Variants in COL2A1 observed in about 807,000 individuals in gnomAD.
COL2A1 encodes the protein collagen type II alpha 1 chain, also known as collagen alpha-1(II) chain.
COL2A1 carries 28 observed loss-of-function variants against 204.5 expected under a neutral mutation model. The ratio of observed to expected loss-of-function variants is 0.14; its 90% CI spans 0.10 to 0.19. The LOEUF is 0.19. Ranked by LOEUF, COL2A1 falls within the 10% of genes least tolerant of loss-of-function variation. The pLI is 1.00. For missense variants in COL2A1, 1,388 were observed against 2,027.5 expected, an observed-to-expected ratio of 0.68 and a Z score of 6.06; for synonymous variants, 708 against 718.7, an observed-to-expected ratio of 0.99 and a Z score of 0.24.
At chr12:47,997,986 C>A in intron 5 of COL2A1, 46 bp downstream of exon 5, 1 of 1,614,118 alleles carries the variant, frequency 6.2e-7, no homozygotes, top group Non-Finnish European at 8.5e-7. Context: ...CAGTAACTTG[C>A]GCGCAGCGAG....
In COL2A1 at chr12:47,976,305, C is replaced by T. The variant is rs759225305; in HGVS notation, c.3489+209G>A. ...TGTAAAATGCTGTTCTGTCTGACAG[C>T]GAGAGGCTGATTCATGTTTGTCTTA... On this transcript the variant is annotated intron_variant, in intron 49 of 53. Coordinates refer to ENST00000380518, the MANE Select transcript of COL2A1 (RefSeq NM_001844.5). The surrounding 1 kb of genome is among the most constrained non-coding windows in gnomAD (Gnocchi z 4.3). Among the ~76,000 whole-genome samples the T allele has an allele frequency of 1.1e-4, 16 of 151,448 alleles. No individual in the cohort carries two copies. The highest frequency in any genetic ancestry group is 1.8e-4 in the Non-Finnish European group (12 of 68,036).
chr12:47,973,108 T>C lies in COL2A1; in HGVS notation c.*299A>G. ...TGAAGGGAGGTCTTCTGGCCTGGGC[T>C]GGGGGCAGTCACTCAGGGGGCATTT... On this transcript the variant is annotated 3_prime_UTR_variant, in exon 54 of 54. Coordinates refer to ENST00000380518, the MANE Select transcript of COL2A1 (RefSeq NM_001844.5). 1.6e-6 allele frequency: 1 copy of C among 606,664 alleles called. No individual in the cohort carries two copies. The highest frequency in any genetic ancestry group is 2.7e-5 in the East Asian group (1 of 36,540). 37.6% of individuals were successfully genotyped at this position (606,664 alleles called of 1,614,324 possible). A position where few individuals can be genotyped will look rare whatever the true frequency, so the allele number is the denominator to read the frequency against.
chr12:48,002,886 C>G (rs973995809), intron 1 of COL2A1: 2 of 152,296 alleles, frequency 1.3e-5, no homozygotes, highest in African/African-American at 2.4e-5. Context: ...AGCCCTGCCC[C>G]CGCTGCGCTA....
At position 47,993,627 on chromosome 12, in the gene COL2A1, G is replaced by C. The variant is rs940572445; in HGVS notation, c.925-125C>G. On this transcript the variant is annotated intron_variant, in intron 14 of 53. Transcript: ENST00000380518. The stretch of plus-strand genomic sequence containing the variant: ...ACTGACACAAACTTCAGTCCTGTGA[G>C]GGACAATGCCCTGAGCTCTCCAGGC... 4 of 1,096,180 alleles carry C rather than the reference G, an allele frequency of 3.6e-6. No homozygotes were observed. In the African/African-American group the frequency reaches 6.2e-5, roughly 17 times the overall value. 67.9% of individuals were successfully genotyped at this position (1,096,180 alleles called of 1,614,324 possible).
At chr12:48,003,342 C>A (rs184166393) in intron 1 of COL2A1, among the ~76,000 whole-genome samples, 1 of 152,112 alleles carries the variant, frequency 6.6e-6, no homozygotes, top group Non-Finnish European at 1.5e-5. Context: ...CACACACACA[C>A]ACCACGCAGC....
At chr12:47,974,366 G>T in intron 52 of COL2A1, 35 bp from the exon 53 acceptor site, 1 of 1,611,622 alleles carries the variant, frequency 6.2e-7, no homozygotes, top group Non-Finnish European at 8.5e-7. Context: ...TGAGGCCTGG[G>T]AGCTGGCATT....
Position 47,976,648 on chromosome 12 carries a change from A to G in COL2A1, c.3436-81T>C, listed in dbSNP as rs1938723003. The stretch of plus-strand genomic sequence containing the variant: ...TTCTGGGAGCTGGGGGAACAGCTTT[A>G]TGTCCCAGCCCCATTCCCTTTCCAC... On this transcript the variant is annotated intron_variant, in intron 48 of 53. Transcript: ENST00000380518. This position sits in a 1 kb window ranked among gnomAD's most constrained non-coding sequence, Gnocchi z 4.3. 4 of 1,479,842 alleles carry G rather than the reference A, an allele frequency of 2.7e-6. No individual in the cohort carries two copies. The highest frequency in any genetic ancestry group is 3.8e-6 in the Non-Finnish European group (4 of 1,062,064). 91.7% of individuals were successfully genotyped at this position (1,479,842 alleles called of 1,614,324 possible).
chr12:47,977,243 AGACTGCGGAAACCCAGG>A (rs1938764055), intron 46 of COL2A1, 60 bp downstream of exon 46: 1 of 1,582,802 alleles, frequency 6.3e-7, no homozygotes. Flanking sequence ...CTTAGTCCAG[AGACTGCGGAAACCCAGG>A]GACTGCCTCA....
chr12:47,989,188 C>T lies in COL2A1; in HGVS notation c.1122+40G>A, dbSNP rs768607883. 22 of 1,565,896 alleles carry T rather than the reference C, an allele frequency of 1.4e-5. 1 individual carries two copies. The highest frequency in any genetic ancestry group is 8.0e-5 in the South Asian group (7 of 87,432). ...GGGTTACGGGGAAAGGACAGCTTCT[C>T]GGCACCCAGAAGTTCCTGACTGGAC... On this transcript the variant is annotated intron_variant, in intron 18 of 53. Transcript: ENST00000380518.
chr12:47,996,409 G>A (rs985543814), intron 8 of COL2A1, 139 bp downstream of exon 8: 4 of 801,040 alleles, frequency 5.0e-6, no homozygotes, highest in Admixed American at 1.7e-5. Flanking sequence ...CTTTGGGCTA[G>A]CTGAATGGGA....
rs1938796863 is a variant in COL2A1 at position 47,977,619 on chromosome 12, T to C, written c.3146A>G (p.Asp1049Gly). Residue 1049 changes from aspartate (D) to glycine (G), a missense_variant, in exon 45 of 54, where the codon GAT (aspartate) becomes GGT (glycine). Around this residue, in one of 3 missense-constraint regions of COL2A1, gnomAD observed 884 missense variants for 1,415.8 expected, o/e 0.62. Coordinates refer to ENST00000380518, the MANE Select transcript of COL2A1 (RefSeq NM_001844.5). ...ACTCACCTTGACTCCAGCAGCGCCA[T>C]CTCTGCCAGGGGGGCCATCAGCACC... ...SPGADGPPGRDGAAGVKGDRG... is the reference protein window; with the variant it reads ...SPGADGPPGRGGAAGVKGDRG... The C allele has an allele frequency of 6.2e-7, 1 of 1,613,780 alleles. No individual in the cohort carries two copies. The highest frequency in any genetic ancestry group is 8.5e-7 in the Non-Finnish European group (1 of 1,179,946).
At position 47,982,858 on chromosome 12, in the gene COL2A1, T is replaced by C. The variant is rs1408196173; in HGVS notation, c.2183A>G (p.Asp728Gly). 1.2e-6 allele frequency: 2 copies of C among 1,611,278 alleles called. No individual in the cohort carries two copies. Among genetic ancestry groups the C allele is most frequent in the African/African-American group, 1.3e-5 (1 of 74,854 alleles). The change falls in exon 33 of 54, where the codon GAT becomes GGT. Residue 728 changes from aspartate to glycine, a missense_variant. Transcript: ENST00000380518. ...TGCAGCCTCACTTACTTTGGGACCATCAGTGCCAGGAGTGCCGGGGAGGCC... is the reference window on the plus strand; with the variant it reads ...TGCAGCCTCACTTACTTTGGGACCACCAGTGCCAGGAGTGCCGGGGAGGCC... ...PRGLPGTPGT[D>G]GPKGASGPAG... is the part of the protein sequence containing the mutation.
chr12:47,981,197 C>T, intron 37 of COL2A1, 146 bp downstream of exon 37: 2 of 958,936 alleles, frequency 2.1e-6, no homozygotes, highest in South Asian at 1.4e-5. Context: ...ATCTCTCCTC[C>T]CACCCTAGAC....
chr12:47,974,616 GAAAA>G (rs1364667075), intron 52 of COL2A1, 55 bp downstream of exon 52: 2 of 1,579,780 alleles, frequency 1.3e-6, no homozygotes, highest in Non-Finnish European at 1.7e-6. Flanking sequence ...CAGGGAGAAA[GAAAA>G]GAAAGAGTTT....
upstream of COL2A1, chr12:48,005,691 A>G (rs1592245845): frequency 6.6e-6 from 1 of 152,230 alleles, no homozygotes; most frequent in Non-Finnish European, 1.5e-5. Flanking sequence ...AACGTCCCCA[A>G]ACAGACCTTC....
In COL2A1 at chr12:47,986,905, G is replaced by A. The variant is rs779931593; in HGVS notation, c.1366-17C>T. The A allele has an allele frequency of 1.9e-6, 3 of 1,614,026 alleles. No individual in the cohort carries two copies. Among genetic ancestry groups the A allele is most frequent in the Admixed American group, 3.3e-5 (2 of 60,012 alleles). On this transcript the variant is annotated splice_polypyrimidine_tract_variant and intron_variant, in intron 21 of 53. Coordinates refer to ENST00000380518, the MANE Select transcript of COL2A1 (RefSeq NM_001844.5). ...AGGTTCACCCTTGAAAAGAGAGGCA[G>A]GTCCTCACACCAGATTCTCTCCAGG...
Position 47,987,035 on chromosome 12 carries a change from C to T in COL2A1, c.1365+43G>A, listed in dbSNP as rs375412422. 3.1e-6 allele frequency: 5 copies of T among 1,596,358 alleles called. No homozygotes were observed. Among genetic ancestry groups the T allele is most frequent in the Non-Finnish European group, 4.3e-6 (5 of 1,163,940 alleles). On this transcript the variant is annotated intron_variant, in intron 21 of 53. Transcript: ENST00000380518. The surrounding 1 kb of genome is among the most constrained non-coding windows in gnomAD (Gnocchi z 4.1). ...GAAAGAGGGGTGATGGGGTTTGACT[C>T]CAGAGATGTCAGTGGAACTTGGGGG...
In COL2A1 at chr12:47,978,264, A is replaced by G. The variant is rs527886309; in HGVS notation, c.3003+27T>C. The G allele has an allele frequency of 3.7e-6, 6 of 1,611,544 alleles. No homozygotes were observed. The highest frequency in any genetic ancestry group is 1.7e-5 in the Admixed American group (1 of 59,934). On this transcript the variant is annotated intron_variant, in intron 43 of 53. Coordinates refer to ENST00000380518, the MANE Select transcript of COL2A1 (RefSeq NM_001844.5). This position sits in a 1 kb window ranked among gnomAD's most constrained non-coding sequence, Gnocchi z 5.5. ...CCTTGGCAGGCAGGGCCCAGCTTGG[A>G]TGGAGGGAGGGATACCCCACACTCA...
chr12:47,995,432 C>T (rs1446534996), intron 10 of COL2A1, 124 bp from the exon 11 acceptor site: 3 of 927,970 alleles, frequency 3.2e-6, no homozygotes, highest in Non-Finnish European at 5.4e-6. Context: ...ATGGGAAGGT[C>T]AGAGCAAAGG....
Sources: allele counts gnomAD v4.1 joint callset (sites outside exome capture counted in the v4.1 genomes callset), GRCh38; gene constraint gnomAD v4.1.1; regional missense constraint gnomAD v4.1.1; non-coding constraint Gnocchi (gnomAD v3.1); transcripts MANE v1.5; gene names NCBI Gene and HGNC (gene_info 2026-07-23, HGNC 2026-07-21).